Variants in HNRNPM observed in about 807,000 individuals in gnomAD.
HNRNPM encodes the protein CEA receptor.
Under a neutral mutation model 73.1 loss-of-function variants are expected in HNRNPM, and 11 were observed. That is an observed-to-expected ratio of 0.15 (90% CI 0.09 to 0.25). HNRNPM has a LOEUF of 0.25. HNRNPM is among the 10% of genes least tolerant of loss of function. The probability of loss-of-function intolerance (pLI) is 1.00; values close to 1 mark genes in which losing one functional copy is unlikely to be tolerated. For synonymous variants in HNRNPM, 407 were observed against 355.2 expected, an observed-to-expected ratio of 1.15 and a Z score of -1.64; for missense variants, 789 against 1,067.9, an observed-to-expected ratio of 0.74 and a Z score of 3.64.
intron 11 of HNRNPM, 34 bp downstream of exon 11, chr19:8,473,742 A>G (rs1393741671): frequency 8.2e-7 from 1 of 1,221,596 alleles, no homozygotes; most frequent in South Asian, 1.3e-5. Context: ...AAGCATAATC[A>G]CTTTTAGGCA....
rs182619831 is a variant in HNRNPM at position 8,486,144 on chromosome 19, C to T, written c.1716C>T (p.Gly572=). The T allele has an allele frequency of 9.1e-4, 1,467 of 1,604,616 alleles. 16 individuals carry two copies. In the East Asian group the frequency reaches 0.014, roughly 15 times the overall value. ...AGCGGATGGGCCTGGAGCGCATGGG[C>T]GCCAACAGCCTCGAGCGCATGGGCC... is the stretch of plus-strand genomic sequence containing the variant. ...NLERMGLERM[G]ANSLERMGLE... The change falls in exon 14 of 16, where the codon GGC becomes GGT. Residue 572 remains glycine (G), a synonymous_variant. Coordinates refer to ENST00000325495, the MANE Select transcript of HNRNPM (RefSeq NM_005968.5).
chr19:8,472,172 GAAA>G (rs34058302), intron 10 of HNRNPM, among the ~76,000 whole-genome samples: 81 of 83,566 alleles, frequency 9.7e-4, no homozygotes, highest in Admixed American at 1.4e-3. Context: ...TCCGTCTCCA[GAAA>G]AAAAAAAAAA....
chr19:8,446,929 A>C (rs941561262), intron 1 of HNRNPM, among the ~76,000 whole-genome samples: 3 of 152,156 alleles, frequency 2.0e-5, no homozygotes, highest in African/African-American at 7.2e-5. Flanking sequence ...CTATCTACGG[A>C]AGCTGGTAGG....
rs1373979272 is a variant in HNRNPM, at chr19:8,488,680, C to T, written c.2030-11C>T. On this transcript the variant is annotated splice_polypyrimidine_tract_variant and intron_variant, in intron 15 of 15. Transcript: ENST00000325495. ...GACTGAGTGTCGTCTCTTCTTCCCT[C>T]CCTGTCCTAGGCCACGTGCTGTACG... is the stretch of plus-strand genomic sequence containing the variant. The T allele has an allele frequency of 1.2e-6, 2 of 1,606,308 alleles. No individual in the cohort carries two copies. The highest frequency in any genetic ancestry group is 8.5e-7 in the Non-Finnish European group (1 of 1,175,082).
intron 2 of HNRNPM, among the ~76,000 whole-genome samples, chr19:8,461,574 A>G (rs939546734): frequency 3.3e-5 from 5 of 152,194 alleles, no homozygotes; most frequent in Admixed American, 6.5e-5. Flanking sequence ...ACATCTGGTC[A>G]TGGTGGTCAT....
At chr19:8,449,115 T>C (rs1968433415) in intron 1 of HNRNPM, among the ~76,000 whole-genome samples, 1 of 152,254 alleles carries the variant, frequency 6.6e-6, no homozygotes, top group South Asian at 2.1e-4. Context: ...AGAGTGATTG[T>C]TTATTCAAAA....
At position 8,488,951 on chromosome 19, in the gene HNRNPM, A is replaced by T. The variant is rs1568309937; in HGVS notation, c.*97A>T. The T allele has an allele frequency of 7.7e-6, 9 of 1,168,984 alleles. No individual in the cohort carries two copies. Among genetic ancestry groups the T allele is most frequent in the Non-Finnish European group, 1.1e-5 (9 of 834,830 alleles). The allele number at this position is 1,168,984 out of a possible 1,614,324, so 72.4% of individuals were successfully genotyped here. On this transcript the variant is annotated 3_prime_UTR_variant, in exon 16 of 16. Coordinates refer to ENST00000325495, the MANE Select transcript of HNRNPM (RefSeq NM_005968.5). ...GTTGGCTGGATGTATAAAGATGTTT[A>T]AAAAATTCAGTTGCTTTTTGGGGTA...
chr19:8,484,178 T>TTC (rs1201618953), intron 13 of HNRNPM, among the ~76,000 whole-genome samples: 3 of 144,424 alleles, frequency 2.1e-5, no homozygotes, highest in African/African-American at 8.0e-5. Flanking sequence ...CATTTCTTTT[T>TTC]TTTTTTTTTT....
chr19:8,454,799 T>C (rs1968888658), intron 1 of HNRNPM, among the ~76,000 whole-genome samples: 1 of 151,318 alleles, frequency 6.6e-6, no homozygotes, highest in South Asian at 2.1e-4. Context: ...CCCTCTCTTC[T>C]CCTGTTTCTG....
intron 9 of HNRNPM, 93 bp from the exon 10 acceptor site, chr19:8,471,233 T>G (rs1970112355): frequency 1.5e-6 from 1 of 665,350 alleles, no homozygotes; most frequent in East Asian, 3.1e-5. Flanking sequence ...TAGGCTGAAG[T>G]GGATAGCTGC....
At chr19:8,470,851 T>G (rs1970078619) in intron 9 of HNRNPM, among the ~76,000 whole-genome samples, 1 of 152,090 alleles carries the variant, frequency 6.6e-6, no homozygotes, top group South Asian at 2.1e-4. Flanking sequence ...ATACATACAT[T>G]AGCTTCATTG....
chr19:8,481,090 G>A (rs190679865), intron 12 of HNRNPM, among the ~76,000 whole-genome samples: 2 of 152,314 alleles, frequency 1.3e-5, no homozygotes, highest in Admixed American at 1.3e-4. Flanking sequence ...CCTTTCCATA[G>A]TGCTTTCCTA....
chr19:8,487,390 G>A (rs1322466688), intron 15 of HNRNPM: 3 of 346,748 alleles, frequency 8.7e-6, no homozygotes, highest in Non-Finnish European at 1.1e-5. Flanking sequence ...TAGGTGGCAA[G>A]GCTAAATAAA....
chr19:8,484,318 G>A (rs920892522), intron 13 of HNRNPM, among the ~76,000 whole-genome samples: 3 of 151,814 alleles, frequency 2.0e-5, no homozygotes, highest in Non-Finnish European at 4.4e-5. Flanking sequence ...CTGGGACTAC[G>A]GGCGCACGCC....
intron 6 of HNRNPM, 61 bp from the exon 7 acceptor site, chr19:8,466,174 A>C: frequency 1.3e-6 from 2 of 1,504,036 alleles, no homozygotes; most frequent in Non-Finnish European, 1.8e-6. Context: ...TCATGTAGTA[A>C]AAATGTTGTG....
intron 9 of HNRNPM, 95 bp from the exon 10 acceptor site, chr19:8,471,217 GGTGGGTAGGCTGAA>G (rs1364292517): frequency 3.6e-6 from 2 of 556,296 alleles, no homozygotes; most frequent in Non-Finnish European, 6.3e-6. Flanking sequence ...GGTGGGTGGG[GGTGGGTAGGCTGAA>G]GTGGATAGCT....
chr19:8,452,515 C>T (rs937055064), intron 1 of HNRNPM, among the ~76,000 whole-genome samples: 3 of 152,116 alleles, frequency 2.0e-5, no homozygotes, highest in Non-Finnish European at 4.4e-5. Flanking sequence ...TTGGAGTAGA[C>T]AAGTGGCCTG....
chr19:8,470,335 T>C (rs930293898), intron 9 of HNRNPM, among the ~76,000 whole-genome samples: 2 of 152,212 alleles, frequency 1.3e-5, no homozygotes, highest in African/African-American at 4.8e-5. Flanking sequence ...TTTCTTCCTT[T>C]TTCTTTCTTT....
chr19:8,458,979 C>T, intron 2 of HNRNPM, among the ~76,000 whole-genome samples: 1 of 152,152 alleles, frequency 6.6e-6, no homozygotes, highest in Non-Finnish European at 1.5e-5. Flanking sequence ...CTCTTTTGCC[C>T]AGGCTGGAAT....
Sources: allele counts gnomAD v4.1 joint callset (sites outside exome capture counted in the v4.1 genomes callset), GRCh38; gene constraint gnomAD v4.1.1; transcripts MANE v1.5; gene names NCBI Gene and HGNC (gene_info 2026-07-23, HGNC 2026-07-21).